Variants in DGLUCY observed in about 807,000 individuals in gnomAD.
DGLUCY encodes D-glutamate cyclase.
In DGLUCY, 58 loss-of-function variants were observed where a neutral mutation model predicts 58.5. That is an observed-to-expected ratio of 0.99 (90% CI 0.80 to 1.23). The LOEUF (loss-of-function observed/expected upper bound fraction) is 1.23. DGLUCY is among the 50% of genes most tolerant of loss of function. The pLI, the probability that DGLUCY is intolerant of heterozygous loss-of-function variation, is 0.00. For missense variants in DGLUCY, 779 were observed against 784.7 expected (o/e 0.99, Z 0.09); for synonymous variants, 325 against 314.1 (o/e 1.03, Z -0.37).
At chr14:91,103,677 A>G (rs1595647199), upstream of DGLUCY, among the ~76,000 whole-genome samples, 1 of 151,958 alleles carries the variant, frequency 6.6e-6, no homozygotes, top group East Asian at 1.9e-4. Flanking sequence ...TTCTCTCTTT[A>G]TATATCTCTC....
intron 13 of DGLUCY, among the ~76,000 whole-genome samples, chr14:91,221,409 A>G (rs1789724508): frequency 6.6e-6 from 1 of 151,988 alleles, no homozygotes; most frequent in South Asian, 2.1e-4. Context: ...GGATGGAGGG[A>G]TGGATGGATA....
chr14:91,127,602 G>A (rs886384559), intron 1 of DGLUCY, among the ~76,000 whole-genome samples: 2 of 152,234 alleles, frequency 1.3e-5, no homozygotes, highest in Non-Finnish European at 2.9e-5. Flanking sequence ...GGCAGGGAAC[G>A]CCGGGCAGAA....
intron 1 of DGLUCY, among the ~76,000 whole-genome samples, chr14:91,126,065 GTGACTGACAGCCCCAC>G (rs2045659583): frequency 6.6e-6 from 1 of 152,188 alleles, no homozygotes. Context: ...GTCTGAGATA[GTGACTGACAGCCCCAC>G]TGGGTACTGG....
At chr14:91,102,827 T>C (rs900560602) in intron 1 of DGLUCY, among the ~76,000 whole-genome samples, 5 of 150,268 alleles carry the variant, frequency 3.3e-5, no homozygotes, top group Non-Finnish European at 7.4e-5. Flanking sequence ...AGTGGCGTGA[T>C]CTCGGTTCAC....
At chr14:91,068,099 A>G (rs970829153) in intron 1 of DGLUCY, among the ~76,000 whole-genome samples, 16 of 152,044 alleles carry the variant, frequency 1.1e-4, no homozygotes, top group Middle Eastern at 3.4e-3. Flanking sequence ...ACACACACAC[A>G]CACACACACA....
intron 1 of DGLUCY, among the ~76,000 whole-genome samples, chr14:91,128,169 C>T (rs1452363289): frequency 6.6e-6 from 1 of 151,940 alleles, no homozygotes; most frequent in East Asian, 1.9e-4. Flanking sequence ...CACTTGATTG[C>T]AATTGATGTT....
At chr14:91,221,736 T>C (rs78295974) in intron 13 of DGLUCY, among the ~76,000 whole-genome samples, 2 of 152,104 alleles carry the variant, frequency 1.3e-5, no homozygotes, top group African/African-American at 2.4e-5. Flanking sequence ...ACCCTACTAT[T>C]CTTTATAACT....
At chr14:91,156,891 A>G (rs1201931113) in intron 1 of DGLUCY, among the ~76,000 whole-genome samples, 1 of 152,234 alleles carries the variant, frequency 6.6e-6, no homozygotes, top group South Asian at 2.1e-4. Flanking sequence ...CTAAAAGCAT[A>G]TGGGCTGAAG....
upstream of DGLUCY, among the ~76,000 whole-genome samples, chr14:91,110,418 CTTTCTTTCTTTCT>C (rs982086036): frequency 1.5e-5 from 2 of 131,144 alleles, no homozygotes; most frequent in East Asian, 2.2e-4. Context: ...TTCTTTCTTT[CTTTCTTTCTTTCT>C]TTTTTTTTTT....
chr14:91,111,347 C>T (rs2044698680), upstream of DGLUCY, among the ~76,000 whole-genome samples: 1 of 151,314 alleles, frequency 6.6e-6, no homozygotes, highest in African/African-American at 2.4e-5. Context: ...GTGGCACCAT[C>T]TCGGCTCACT....
intron 1 of DGLUCY, among the ~76,000 whole-genome samples, chr14:91,150,950 G>A (rs6575182): frequency 0.39 from 58,989 of 151,772 alleles, 11,777 homozygotes; most frequent in African/African-American, 0.43. Flanking sequence ...CCATTACACG[G>A]TAACTCCCCA....
intron 1 of DGLUCY, among the ~76,000 whole-genome samples, chr14:91,097,822 T>C (rs2044421792): frequency 6.6e-6 from 1 of 152,168 alleles, no homozygotes; most frequent in Non-Finnish European, 1.5e-5. Flanking sequence ...TACAGGCGTG[T>C]GCCACCACGC....
intron 12 of DGLUCY, among the ~76,000 whole-genome samples, chr14:91,213,993 C>T (rs1193323557): frequency 2.0e-5 from 3 of 151,642 alleles, no homozygotes; most frequent in African/African-American, 7.3e-5. Flanking sequence ...AGCCACCGTG[C>T]CCGGCCAAGG....
upstream of DGLUCY, among the ~76,000 whole-genome samples, chr14:91,105,429 T>G (rs1230655341): frequency 6.6e-6 from 1 of 152,208 alleles, no homozygotes; most frequent in African/African-American, 2.4e-5. Context: ...TCTATTTCAT[T>G]GAAATGACAG....
At chr14:91,060,678 C>G in exon 1 of DGLUCY, 1 of 393,210 alleles carries the variant, frequency 2.5e-6, no homozygotes, top group Non-Finnish European at 4.3e-6. Flanking sequence ...GCCGCCTCCT[C>G]AGGCCGCTCC....
At chr14:91,212,106 T>C (rs979440171) in intron 12 of DGLUCY, among the ~76,000 whole-genome samples, 1 of 152,196 alleles carries the variant, frequency 6.6e-6, no homozygotes, top group African/African-American at 2.4e-5. Context: ...TCTGGCTGAT[T>C]ATGACTTTTT....
chr14:91,062,558 A>AAAAAAT (rs1555386902), intron 1 of DGLUCY, among the ~76,000 whole-genome samples: 4 of 23,694 alleles, frequency 1.7e-4, no homozygotes, highest in African/African-American at 5.8e-4. Flanking sequence ...AAAAAAAAAA[A>AAAAAAT]ATATATATAT....
chr14:91,065,448 T>C (rs1230252284), intron 1 of DGLUCY, among the ~76,000 whole-genome samples: 1 of 152,124 alleles, frequency 6.6e-6, no homozygotes, highest in East Asian at 1.9e-4. Context: ...TTGGCGCTAG[T>C]ATGGATGAGT....
In DGLUCY at chr14:91,118,285, G is replaced by A. The variant is rs970848286; in HGVS notation, c.-82+4002G>A. 5.3e-5 allele frequency among the ~76,000 whole-genome samples: 8 copies of A among 151,852 alleles called. No individual in the cohort carries two copies. In the South Asian group the frequency reaches 1.5e-3, roughly 28 times the overall value. On this transcript the variant is annotated intron_variant, in intron 1 of 13. Coordinates refer to ENST00000256324, the MANE Select transcript of DGLUCY (RefSeq NM_001102368.3). ...ATTTTTAGATTTTTAGTAGAGCCAG[G>A]GTTTCACCATGTTGGCCACATTGGT...
Sources: gnomAD v4.1 joint callset for allele counts (sites outside exome capture counted in the v4.1 genomes callset) on GRCh38, gnomAD v4.1.1 for gene constraint, MANE v1.5 for transcripts, NCBI Gene and HGNC (gene_info 2026-07-23, HGNC 2026-07-21) for gene names.